Variants in KRT40 observed in about 807,000 individuals in gnomAD.
KRT40 encodes the protein keratin, type I cytoskeletal 40.
KRT40 carries 47 observed loss-of-function variants against 43.5 expected under a neutral mutation model. The ratio of observed to expected loss-of-function variants is 1.08; its 90% CI spans 0.86 to 1.38. KRT40 has a LOEUF of 1.38. Among genes scored for constraint, KRT40 ranks in the 40% most tolerant of loss-of-function variants. The pLI is 0.00. For missense variants in KRT40, 573 were observed against 523.6 expected, an observed-to-expected ratio of 1.09 and a Z score of -0.92; for synonymous variants, 212 against 214.0, an observed-to-expected ratio of 0.99 and a Z score of 0.08.
rs754665125 is a variant in KRT40 at position 40,978,275 on chromosome 17, C to T, written c.1218G>A (p.Ser406=). ...AAGTGTTGCTCGAGGTGCATGTGGT[C>T]GAACATGGGCTACAGGAAAGCCTGG... ...EDSRLSCSPC[S]TTCTSSNTCE... is the part of the protein sequence containing the mutation. The change falls in exon 7 of 7, where the codon TCG becomes TCA. Residue 406 remains serine, a synonymous_variant. Transcript: ENST00000377755. 9 of 1,613,742 alleles carry T rather than the reference C, an allele frequency of 5.6e-6. No individual in the cohort carries two copies. The highest frequency in any genetic ancestry group is 1.7e-5 in the Admixed American group (1 of 59,988).
At chr17:40,979,500 CAAAA>C (rs35017931) in intron 5 of KRT40, among the ~76,000 whole-genome samples, 64 of 129,116 alleles carry the variant, frequency 5.0e-4, no homozygotes, top group South Asian at 1.0e-3. Context: ...AGACTCCGTC[CAAAA>C]AAAAAAAAAA....
At chr17:40,982,728 G>T (rs951572304) in intron 2 of KRT40, among the ~76,000 whole-genome samples, 20 of 152,164 alleles carry the variant, frequency 1.3e-4, no homozygotes, top group African/African-American at 4.3e-4. Flanking sequence ...TTAAAGCCGG[G>T]CGTGGTGGCT....
At chr17:40,987,069 T>C (rs1416882863), upstream of KRT40, 1 of 152,222 alleles carries the variant, frequency 6.6e-6, no homozygotes, top group African/African-American at 2.4e-5. Context: ...AGCTGAAACG[T>C]CGTTCAACTG....
intron 1 of KRT40, 127 bp from the exon 2 acceptor site, chr17:40,983,255 C>T (rs1912282517): frequency 2.0e-6 from 1 of 505,140 alleles, no homozygotes; most frequent in Admixed American, 3.1e-5. Flanking sequence ...CACCCTCAGC[C>T]TGCTTTTTTT....
chr17:40,985,672 G>A (rs889382952), upstream of KRT40, among the ~76,000 whole-genome samples: 1 of 152,166 alleles, frequency 6.6e-6, no homozygotes, highest in African/African-American at 2.4e-5. Context: ...CCTGGGCAGA[G>A]CTGGGTTTGA....
In KRT40 at chr17:40,978,296, C is replaced by G; in HGVS notation, c.1197G>C (p.Arg399Ser). The G allele has an allele frequency of 6.2e-7, 1 of 1,613,134 alleles. No individual in the cohort carries two copies. The highest frequency in any genetic ancestry group is 8.5e-7 in the Non-Finnish European group (1 of 1,179,182). Residue 399 changes from arginine to serine, a missense_variant and splice_region_variant, in exon 7 of 7, where the codon AGG becomes AGC. Arg to Ser is a moderately radical substitution (Grantham distance 110). Transcript: ENST00000377755. ...YWGLLDSEDS[R>S]LSCSPCSTTC... ...TGGTCGAACATGGGCTACAGGAAAG[C>G]CTGGGGAAAAATCGATTTTCAACCA...
rs2143688051 is a variant in KRT40, at chr17:40,983,849, G to A, written c.425C>T (p.Thr142Ile). 6.2e-7 allele frequency: 1 copy of A among 1,614,028 alleles called. No individual in the cohort carries two copies. The highest frequency in any genetic ancestry group is 8.5e-7 in the Non-Finnish European group (1 of 1,179,912). Residue 142 changes from threonine (T) to isoleucine (I), a missense_variant, in exon 1 of 7, where the codon ACC becomes ATC. Transcript: ENST00000377755. ...VCPDYQRYFN[T>I]IEDLQQKILC... ...GACCTTTTGTTGGAGATCTTCAATG[G>A]TGTTGAAGTAACGCTGATAATCCGG... is the stretch of plus-strand genomic sequence containing the variant.
rs372595586 is a variant in KRT40, at chr17:40,984,229, A to T, written c.45T>A (p.Cys15Ter). 1.9e-6 allele frequency: 3 copies of T among 1,613,924 alleles called. No individual in the cohort carries two copies. The highest frequency in any genetic ancestry group is 1.7e-6 in the Non-Finnish European group (2 of 1,179,950). ...CSSTHCSPESCGTASGCAPAS... is the reference protein window; with the variant it reads ...CSSTHCSPES ...CAGGTGCACAACCGGAAGCCGTGCC[A>T]CAGGACTCAGGAGAGCAGTGTGTGG... Residue 15 changes from cysteine (C) to a stop codon, truncating the protein, a stop_gained, in exon 1 of 7, where the codon TGT (cysteine) becomes TGA (stop). Transcript: ENST00000377755. LOFTEE classifies it high-confidence loss of function.
chr17:40,986,375 C>CTGAT (rs1489599261), upstream of KRT40: 1 of 152,406 alleles, frequency 6.6e-6, no homozygotes, highest in African/African-American at 2.4e-5. Context: ...AGACCTTCAG[C>CTGAT]TGATAGAAAA....
At position 40,979,004 on chromosome 17, in the gene KRT40, G is replaced by T. The variant is rs1487939888; in HGVS notation, c.996C>A (p.Thr332=). 6.2e-7 allele frequency: 1 copy of T among 1,613,602 alleles called. No homozygotes were observed. The highest frequency in any genetic ancestry group is 1.1e-5 in the South Asian group (1 of 91,060). ...TGTACTGGGCCTCGGTTTCTGCCAC[G>T]GTGCATTCCAGAGATTCTGTCTGCG... is the stretch of plus-strand genomic sequence containing the variant. The part of the protein sequence containing the change: ...QQSLTESLEC[T]VAETEAQYSS... The change falls in exon 6 of 7, where the codon ACC becomes ACA. Residue 332 remains threonine, a synonymous_variant. Coordinates refer to ENST00000377755, the MANE Select transcript of KRT40 (RefSeq NM_001389244.1).
rs1193521135 is a variant in KRT40, at chr17:40,980,815, C to T, written c.945G>A (p.Leu315=). ...TTTGCTGTGCTTGGAGCTCAATTTC[C>T]AGAGCACTGGCTGTGCGTTTCAGTT... is the stretch of plus-strand genomic sequence containing the variant. ...ILELKRTASA[L]EIELQAQQSL... The change falls in exon 5 of 7, where the codon CTG becomes CTA. Residue 315 remains leucine (L), a synonymous_variant. Coordinates refer to ENST00000377755, the MANE Select transcript of KRT40 (RefSeq NM_001389244.1). The T allele has an allele frequency of 6.2e-7, 1 of 1,610,534 alleles. No homozygotes were observed.
At chr17:40,982,628 A>G (rs900020365) in intron 2 of KRT40, among the ~76,000 whole-genome samples, 165 bp from the exon 3 acceptor site, 2 of 151,260 alleles carry the variant, frequency 1.3e-5, no homozygotes, top group African/African-American at 4.9e-5. Context: ...TTAACTTTAA[A>G]ATATTATATA....
chr17:40,978,794 T>A lies in KRT40; in HGVS notation c.1196+10A>T. Reference sequence around the variant, plus strand: ...CTCTGGGGGATTTCATGAGTAACTGTGGAACTTGCCTGCTGTCCTCGCTGT... The same window carrying A: ...CTCTGGGGGATTTCATGAGTAACTGAGGAACTTGCCTGCTGTCCTCGCTGT... On this transcript the variant is annotated intron_variant, in intron 6 of 6. Coordinates refer to ENST00000377755, the MANE Select transcript of KRT40 (RefSeq NM_001389244.1). 6.2e-7 allele frequency: 1 copy of A among 1,606,976 alleles called. No homozygotes were observed. The highest frequency in any genetic ancestry group is 8.5e-7 in the Non-Finnish European group (1 of 1,175,750).
At position 40,980,828 on chromosome 17, in the gene KRT40, G is replaced by A; in HGVS notation, c.932C>T (p.Thr311Ile). 11 of 1,612,608 alleles carry A rather than the reference G, an allele frequency of 6.8e-6. No individual in the cohort carries two copies. The highest frequency in any genetic ancestry group is 8.5e-6 in the Non-Finnish European group (10 of 1,179,892). The change falls in exon 5 of 7, where the codon ACA (threonine) becomes ATA (isoleucine). Residue 311 changes from threonine to isoleucine, a missense_variant. By Grantham distance (89) the Thr-to-Ile change is moderately conservative. Coordinates refer to ENST00000377755, the MANE Select transcript of KRT40 (RefSeq NM_001389244.1). ...GAGCTCAATTTCCAGAGCACTGGCT[G>A]TGCGTTTCAGTTCCAAGATCTCCAT... is the stretch of plus-strand genomic sequence containing the variant. ...CQMEILELKR[T>I]ASALEIELQA...
At position 40,983,969 on chromosome 17, in the gene KRT40, C is replaced by A; in HGVS notation, c.305G>T (p.Ser102Ile). 6.2e-7 allele frequency: 1 copy of A among 1,613,724 alleles called. No homozygotes were observed. Among genetic ancestry groups the A allele is most frequent in the East Asian group, 2.2e-5 (1 of 44,860 alleles). Residue 102 changes from serine (S) to isoleucine (I), a missense_variant, in exon 1 of 7, where the codon AGC becomes ATC. Coordinates refer to ENST00000377755, the MANE Select transcript of KRT40 (RefSeq NM_001389244.1). ...CAGGCTGCGCACCTTCTCCAGATAGCTGGCGAGTCTGTCATTCAGGAACTG... is the reference window on the plus strand; with the variant it reads ...CAGGCTGCGCACCTTCTCCAGATAGATGGCGAGTCTGTCATTCAGGAACTG... ...TMQFLNDRLA[S>I]YLEKVRSLEE... is the part of the protein sequence containing the mutation.
intron 5 of KRT40, among the ~76,000 whole-genome samples, chr17:40,980,008 TA>T (rs1376608100): frequency 2.0e-5 from 3 of 151,928 alleles, no homozygotes; most frequent in African/African-American, 4.8e-5. Context: ...CACATCTACG[TA>T]AAAAAAATTT....
chr17:40,979,745 T>A (rs1912029943), intron 5 of KRT40, among the ~76,000 whole-genome samples: 1 of 152,132 alleles, frequency 6.6e-6, no homozygotes, highest in Non-Finnish European at 1.5e-5. Flanking sequence ...GGGACTGGCA[T>A]ATGTGTGGTA....
In KRT40 at chr17:40,984,244, G is replaced by A. The variant is rs748589952; in HGVS notation, c.30C>T (p.Cys10=). The change falls in exon 1 of 7, where the codon TGC becomes TGT. Residue 10 remains cysteine (C), a synonymous_variant. Transcript: ENST00000377755. ...AAGCCGTGCCACAGGACTCAGGAGA[G>A]CAGTGTGTGGAGGAGCAGTCAGAAG... MTSDCSSTH[C]SPESCGTASG... is the part of the protein sequence containing the mutation. The A allele has an allele frequency of 6.2e-7, 1 of 1,613,054 alleles. No individual in the cohort carries two copies. Among genetic ancestry groups the A allele is most frequent in the East Asian group, 2.2e-5 (1 of 44,828 alleles).
intron 2 of KRT40, among the ~76,000 whole-genome samples, chr17:40,982,788 G>C (rs1265425977): frequency 3.3e-5 from 5 of 152,288 alleles, no homozygotes; most frequent in African/African-American, 1.2e-4. Flanking sequence ...CAGATCACCT[G>C]AGGTCAGGAG....
Sources: allele counts gnomAD v4.1 joint callset (sites outside exome capture counted in the v4.1 genomes callset), GRCh38; gene constraint gnomAD v4.1.1; transcripts MANE v1.5; gene names NCBI Gene and HGNC (gene_info 2026-07-23, HGNC 2026-07-21).